The following NT5DC1 variants were observed in gnomAD, a reference collection of about 807,000 sequenced individuals.
NT5DC1 encodes the protein 5'-nucleotidase domain-containing protein 1.
In NT5DC1, 42 loss-of-function variants were observed where a neutral mutation model predicts 59.4. The observed-to-expected ratio is 0.71, with a 90% CI of 0.55 to 0.92. NT5DC1 has a LOEUF of 0.92. Ranked by LOEUF, NT5DC1 falls within the 40% of genes least tolerant of loss-of-function variation. The pLI, the probability that NT5DC1 is intolerant of heterozygous loss-of-function variation, is 0.00. For missense variants in NT5DC1, 501 were observed against 537.1 expected (o/e 0.93, Z 0.66); for synonymous variants, 172 against 188.1 (o/e 0.91, Z 0.70).
At chr6:116,187,679 T>A (rs1032187747) in intron 6 of NT5DC1, among the ~76,000 whole-genome samples, 7 of 152,018 alleles carry the variant, frequency 4.6e-5, no homozygotes, top group Non-Finnish European at 8.8e-5. Flanking sequence ...TAAAACTTGA[T>A]CCCTACTCAC....
intron 6 of NT5DC1, among the ~76,000 whole-genome samples, chr6:116,155,942 A>G (rs1398792575): frequency 6.6e-6 from 1 of 152,158 alleles, no homozygotes; most frequent in Non-Finnish European, 1.5e-5. Flanking sequence ...AAATGTATTC[A>G]GTTACCTAAA....
chr6:116,150,376 C>T (rs1780009575), intron 6 of NT5DC1, among the ~76,000 whole-genome samples: 1 of 152,070 alleles, frequency 6.6e-6, no homozygotes, highest in Non-Finnish European at 1.5e-5. Context: ...CCTCCACCTC[C>T]CAGGTTCAAG....
At chr6:116,207,182 C>G (rs976125969) in intron 6 of NT5DC1, among the ~76,000 whole-genome samples, 1 of 151,964 alleles carries the variant, frequency 6.6e-6, no homozygotes, top group East Asian at 1.9e-4. Flanking sequence ...CTGCCTACAG[C>G]AGATTTCTTC....
At chr6:116,237,900 T>C (rs956419654) in intron 9 of NT5DC1, among the ~76,000 whole-genome samples, 12 of 152,242 alleles carry the variant, frequency 7.9e-5, no homozygotes, top group African/African-American at 2.9e-4. Flanking sequence ...TGTAAACATA[T>C]AGGTTCACTT....
chr6:116,124,862 C>G (rs896484851), intron 6 of NT5DC1, among the ~76,000 whole-genome samples: 1 of 152,072 alleles, frequency 6.6e-6, no homozygotes, highest in South Asian at 2.1e-4. Context: ...GGGGGGGAGG[C>G]CATCAGATTT....
chr6:116,135,998 G>A (rs1562132839), intron 6 of NT5DC1, among the ~76,000 whole-genome samples: 1 of 151,440 alleles, frequency 6.6e-6, no homozygotes, highest in Non-Finnish European at 1.5e-5. Flanking sequence ...ACAGTATCTC[G>A]AACTATAGTC....
chr6:116,119,194 T>A (rs1779031182), intron 6 of NT5DC1: 1 of 152,656 alleles, frequency 6.6e-6, no homozygotes, highest in South Asian at 2.1e-4. Context: ...ACCCTCAGTG[T>A]AAATTATAAC....
In NT5DC1 at chr6:116,239,048, T is replaced by G; in HGVS notation, c.1177T>G (p.Leu393Val). The G allele has an allele frequency of 6.2e-7, 1 of 1,610,404 alleles. No individual in the cohort carries two copies. Among genetic ancestry groups the G allele is most frequent in the Non-Finnish European group, 8.5e-7 (1 of 1,176,766 alleles). ...GGGACTGGAAAATACAGAAGACTCC[T>G]TGGTTTATACATGGTCTTGTAAGAG... ...VLGLENTEDS[L>V]VYTWSCKRIS... Residue 393 changes from leucine (L) to valine (V), a missense_variant, in exon 11 of 12, where the codon TTG becomes GTG. By Grantham distance (32) the Leu-to-Val change is conservative. Transcript: ENST00000319550.
At chr6:116,106,032 C>T (rs1475628052) in intron 1 of NT5DC1, among the ~76,000 whole-genome samples, 2 of 152,106 alleles carry the variant, frequency 1.3e-5, no homozygotes, top group Admixed American at 6.5e-5. Context: ...TGTATGCTGA[C>T]GGTATAATTT....
intron 8 of NT5DC1, among the ~76,000 whole-genome samples, chr6:116,236,232 A>G (rs977920891): frequency 4.6e-5 from 7 of 152,242 alleles, no homozygotes; most frequent in African/African-American, 1.7e-4. Flanking sequence ...GCTGATAGAT[A>G]TATCATGTAT....
At chr6:116,151,218 A>G (rs943342565) in intron 6 of NT5DC1, among the ~76,000 whole-genome samples, 3 of 152,178 alleles carry the variant, frequency 2.0e-5, no homozygotes, top group Admixed American at 6.5e-5. Flanking sequence ...ATAAAATCCC[A>G]TCTTCCAAAC....
intron 6 of NT5DC1, among the ~76,000 whole-genome samples, chr6:116,148,612 T>A (rs1200479350): frequency 6.6e-6 from 1 of 152,226 alleles, no homozygotes; most frequent in African/African-American, 2.4e-5. Context: ...TGTATTTTTT[T>A]AGAACATCAG....
intron 6 of NT5DC1, chr6:116,121,699 G>T: frequency 6.2e-7 from 1 of 1,613,988 alleles, no homozygotes; most frequent in South Asian, 1.1e-5. Context: ...GTCCTGGTGG[G>T]CCCCGGGGTC....
chr6:116,240,593 G>A (rs972940057), intron 11 of NT5DC1, among the ~76,000 whole-genome samples: 5 of 151,998 alleles, frequency 3.3e-5, no homozygotes, highest in African/African-American at 1.2e-4. Context: ...AAAAAAATAA[G>A]CCAAAGGTTT....
intron 4 of NT5DC1, among the ~76,000 whole-genome samples, 166 bp downstream of exon 4, chr6:116,111,122 G>C (rs547139528): frequency 6.6e-6 from 1 of 152,326 alleles, no homozygotes; most frequent in East Asian, 1.9e-4. Flanking sequence ...AAGTGTATTT[G>C]ACTTCTGTTT....
Position 116,121,343 on chromosome 6 carries a change from C to T in NT5DC1, c.529+3398C>T, listed in dbSNP as rs144479322. On this transcript the variant is annotated intron_variant, in intron 6 of 11. Coordinates refer to ENST00000319550, the MANE Select transcript of NT5DC1 (RefSeq NM_152729.3). ...TGGCTTTCCAATGCCTTCTGGCCCT[C>T]GTTCCCCAGGAGGGCCTTGGGGACC... The T allele has an allele frequency of 5.8e-4, 944 of 1,613,848 alleles. 1 individual carries two copies. The highest frequency in any genetic ancestry group is 7.6e-4 in the Non-Finnish European group (896 of 1,179,956).
intron 6 of NT5DC1, among the ~76,000 whole-genome samples, chr6:116,134,827 G>A (rs907367591): frequency 2.6e-5 from 4 of 152,142 alleles, no homozygotes; most frequent in Admixed American, 6.5e-5. Flanking sequence ...TTCAAAGACA[G>A]TTTTTCTGAA....
intron 6 of NT5DC1, among the ~76,000 whole-genome samples, chr6:116,164,235 G>A (rs1239444962): frequency 6.6e-6 from 1 of 151,990 alleles, no homozygotes; most frequent in Non-Finnish European, 1.5e-5. Context: ...ATTTTCTTAG[G>A]TGTAGTAGTA....
Position 116,223,103 on chromosome 6 carries a change from A to T in NT5DC1, c.774A>T (p.Leu258Phe), listed in dbSNP as rs1781841144. 1.2e-6 allele frequency: 2 copies of T among 1,603,822 alleles called. No individual in the cohort carries two copies. Among genetic ancestry groups the T allele is most frequent in the Non-Finnish European group, 1.7e-6 (2 of 1,170,880 alleles). The change falls in exon 8 of 12, where the codon TTA (leucine) becomes TTT (phenylalanine). Residue 258 changes from leucine (L) to phenylalanine (F), a missense_variant. By Grantham distance (22) the Leu-to-Phe change is conservative. Transcript: ENST00000319550. ...TGAAGCCTGGTTTCTTCTCCCACTT[A>T]CCAAGTCAGAGACCTTTCCGGACAC... ...NALKPGFFSH[L>F]PSQRPFRTLE...
Sources: allele counts gnomAD v4.1 joint callset (sites outside exome capture counted in the v4.1 genomes callset), GRCh38; gene constraint gnomAD v4.1.1; transcripts MANE v1.5; gene names NCBI Gene and HGNC (gene_info 2026-07-23, HGNC 2026-07-21).